The following SFMBT2 variants were observed in gnomAD, a reference collection of about 807,000 sequenced individuals.
SFMBT2 encodes Scm like with four mbt domains 2.
In SFMBT2, 38 loss-of-function variants were observed where a neutral mutation model predicts 110.1. That is an observed-to-expected ratio of 0.35 (90% CI 0.27 to 0.45). SFMBT2 has a LOEUF of 0.45. Ranked by LOEUF, SFMBT2 falls within the 20% of genes least tolerant of loss-of-function variation. The pLI, the probability that SFMBT2 is intolerant of heterozygous loss-of-function variation, is 1.00. For missense variants in SFMBT2, 1,011 were observed against 1,094.9 expected, an observed-to-expected ratio of 0.92 and a Z score of 1.08; for synonymous variants, 425 against 425.4, an observed-to-expected ratio of 1.00 and a Z score of 0.01.
chr10:7,383,683 G>T (rs1845493407), intron 1 of SFMBT2, among the ~76,000 whole-genome samples: 1 of 152,150 alleles, frequency 6.6e-6, no homozygotes, highest in Non-Finnish European at 1.5e-5. Context: ...CTAAGCCAAG[G>T]GAATGACAGT....
chr10:7,207,303 T>G (rs1307288592), intron 11 of SFMBT2, among the ~76,000 whole-genome samples: 2 of 150,738 alleles, frequency 1.3e-5, no homozygotes, highest in Non-Finnish European at 2.9e-5. Flanking sequence ...GAGGTTGCAG[T>G]GAGCAGTGAT....
intron 2 of SFMBT2, among the ~76,000 whole-genome samples, chr10:7,374,939 G>C (rs1845159795): frequency 6.6e-6 from 1 of 152,164 alleles, no homozygotes; most frequent in African/African-American, 2.4e-5. Context: ...AAATGTTTAT[G>C]GGGAGAGGTC....
intron 7 of SFMBT2, chr10:7,249,057 C>T (rs889820111): frequency 2.1e-6 from 2 of 960,226 alleles, no homozygotes; most frequent in South Asian, 4.8e-5. Context: ...GCACCTTGTA[C>T]CCAAGGTCTG....
At chr10:7,176,412 C>T in intron 16 of SFMBT2, 3 of 902,028 alleles carry the variant, frequency 3.3e-6, no homozygotes, top group Non-Finnish European at 4.0e-6. Context: ...ACATGTAGCA[C>T]ACCTTCATTT....
At chr10:7,319,722 CAGAGAG>C (rs770282804) in intron 4 of SFMBT2, among the ~76,000 whole-genome samples, 3 of 137,062 alleles carry the variant, frequency 2.2e-5, no homozygotes, top group African/African-American at 8.3e-5. Context: ...CTGAAAGAGA[CAGAGAG>C]AGAGGAAGAT....
At chr10:7,179,509 C>G (rs903624562) in intron 16 of SFMBT2, among the ~76,000 whole-genome samples, 1 of 151,728 alleles carries the variant, frequency 6.6e-6, no homozygotes. Flanking sequence ...AAGTGCTTCA[C>G]GGCTACATTT....
intron 9 of SFMBT2, among the ~76,000 whole-genome samples, chr10:7,242,248 G>A (rs1840454525): frequency 1.3e-5 from 2 of 152,122 alleles, no homozygotes; most frequent in South Asian, 4.1e-4. Flanking sequence ...ACTCCCACAG[G>A]TGTCTCCACT....
At chr10:7,256,728 T>C (rs902544225) in intron 7 of SFMBT2, among the ~76,000 whole-genome samples, 2 of 152,190 alleles carry the variant, frequency 1.3e-5, no homozygotes, top group Non-Finnish European at 2.9e-5. Context: ...CTAGTACACG[T>C]GGCTGGCTGC....
chr10:7,327,608 G>A (rs189685531), intron 4 of SFMBT2, among the ~76,000 whole-genome samples: 148 of 151,814 alleles, frequency 9.7e-4, no homozygotes, highest in Middle Eastern at 6.8e-3. Flanking sequence ...TTGAAGTCAG[G>A]AGATGGAGGT....
chr10:7,342,315 A>C (rs1843934597), intron 4 of SFMBT2, among the ~76,000 whole-genome samples: 1 of 151,478 alleles, frequency 6.6e-6, no homozygotes, highest in Admixed American at 6.6e-5. Flanking sequence ...TGACTCGTAA[A>C]CTGAATGGAT....
intron 7 of SFMBT2, among the ~76,000 whole-genome samples, chr10:7,267,340 C>T (rs1372720268): frequency 6.6e-6 from 1 of 152,192 alleles, no homozygotes; most frequent in Non-Finnish European, 1.5e-5. Context: ...TGAGTCCTTT[C>T]AGTAAATTAC....
Position 7,174,097 on chromosome 10 carries a change from G to C in SFMBT2, c.1985-1436C>G, listed in dbSNP as rs1837974076. Among the ~76,000 whole-genome samples, 4 of 152,198 alleles carry C rather than the reference G, an allele frequency of 2.6e-5. No homozygotes were observed. In the South Asian group the frequency reaches 8.3e-4, roughly 31 times the overall value. On this transcript the variant is annotated intron_variant, in intron 17 of 20. Coordinates refer to ENST00000397167, the MANE Select transcript of SFMBT2 (RefSeq NM_001387889.1). ...CACAGCAGCAGCCCTGTAACTCCCA[G>C]GAGGCACACCTGCTCCGGGAGCCCC...
Position 7,219,716 on chromosome 10 carries a change from C to A in SFMBT2, c.1330+695G>T, listed in dbSNP as rs556613323. 63 of 385,228 alleles carry A rather than the reference C, an allele frequency of 1.6e-4. 1 individual carries two copies. The highest frequency in any genetic ancestry group is 1.2e-3 in the African/African-American group (57 of 45,858). The allele number at this position is 385,228 out of a possible 1,614,324, so 23.9% of individuals were successfully genotyped here. ...TATTATGAAATCCTAGGAAAAAAAA[C>A]CAAAGAATTATAAATCACAGAAAGA... On this transcript the variant is annotated intron_variant, in intron 11 of 20. Coordinates refer to ENST00000397167, the MANE Select transcript of SFMBT2 (RefSeq NM_001387889.1).
At chr10:7,242,716 C>G (rs1840474035) in intron 9 of SFMBT2, among the ~76,000 whole-genome samples, 1 of 152,176 alleles carries the variant, frequency 6.6e-6, no homozygotes, top group African/African-American at 2.4e-5. Flanking sequence ...ATGATGTAAA[C>G]AGACTGGCGA....
At chr10:7,308,578 A>G (rs1289339757) in intron 4 of SFMBT2, among the ~76,000 whole-genome samples, 1 of 152,204 alleles carries the variant, frequency 6.6e-6, no homozygotes, top group Non-Finnish European at 1.5e-5. Flanking sequence ...TAAAACTTCC[A>G]AGAAAAAGCA....
At chr10:7,313,006 A>C (rs530085651) in intron 4 of SFMBT2, among the ~76,000 whole-genome samples, 1 of 152,074 alleles carries the variant, frequency 6.6e-6, no homozygotes, top group African/African-American at 2.4e-5. Flanking sequence ...AACTAAATAA[A>C]ACACTGAGTT....
intron 4 of SFMBT2, among the ~76,000 whole-genome samples, chr10:7,334,429 G>T (rs1244225483): frequency 1.3e-5 from 2 of 152,156 alleles, no homozygotes; most frequent in Admixed American, 1.3e-4. Context: ...TTTGGAATTA[G>T]CTCCCAATCC....
intron 7 of SFMBT2, chr10:7,249,545 T>A (rs755155162): frequency 9.0e-5 from 89 of 985,252 alleles, no homozygotes; most frequent in Non-Finnish European, 9.9e-5. Context: ...TCCAAATACA[T>A]CAATTGGGTG....
At chr10:7,282,268 G>A (rs1013802260) in intron 6 of SFMBT2, among the ~76,000 whole-genome samples, 8 of 152,142 alleles carry the variant, frequency 5.3e-5, no homozygotes, top group East Asian at 1.9e-4. Context: ...AAGCTTCCAC[G>A]GAGGCATGTT....
Sources: gnomAD v4.1 joint callset for allele counts (sites outside exome capture counted in the v4.1 genomes callset) on GRCh38, gnomAD v4.1.1 for gene constraint, MANE v1.5 for transcripts, NCBI Gene and HGNC (gene_info 2026-07-23, HGNC 2026-07-21) for gene names.